RPS6KA2: variants seen among roughly 807,000 people sequenced by gnomAD.
RPS6KA2 encodes ribosomal protein S6 kinase alpha-2.
In RPS6KA2, 42 loss-of-function variants were observed where a neutral mutation model predicts 91.8. The ratio of observed to expected loss-of-function variants is 0.46; its 90% CI spans 0.36 to 0.59. The LOEUF is 0.59. RPS6KA2 is among the 20% of genes least tolerant of loss of function. RPS6KA2 has a pLI of 0.00. For synonymous variants in RPS6KA2, 414 were observed against 393.6 expected (o/e 1.05, Z -0.61); for missense variants, 798 against 978.5 (o/e 0.82, Z 2.46).
Position 166,713,277 on chromosome 6 carries a change from C to A in RPS6KA2, c.123+144923G>T, listed in dbSNP as rs1316701099. On this transcript the variant is annotated intron_variant, in intron 2 of 21. Transcript: ENST00000503859. ...CAGAAGACTGGCGCCAGGCCCATAGCCGGGTTTTCACACCGGAGGAGGTGG... is the reference window on the plus strand; with the variant it reads ...CAGAAGACTGGCGCCAGGCCCATAGACGGGTTTTCACACCGGAGGAGGTGG... Among the ~76,000 whole-genome samples the A allele has an allele frequency of 3.3e-5, 5 of 152,274 alleles. No individual in the cohort carries two copies. In the East Asian group the frequency reaches 9.6e-4, roughly 29 times the overall value.
At chr6:166,521,970 A>G (rs904195964) in intron 3 of RPS6KA2, among the ~76,000 whole-genome samples, 5 of 152,272 alleles carry the variant, frequency 3.3e-5, no homozygotes, top group African/African-American at 1.2e-4. Context: ...GACCCCAGAG[A>G]GCTCATTCAT....
At chr6:166,501,445 G>C (rs777919100) in intron 6 of RPS6KA2, among the ~76,000 whole-genome samples, 1 of 152,192 alleles carries the variant, frequency 6.6e-6, no homozygotes, top group African/African-American at 2.4e-5. Flanking sequence ...CCAAGGCATC[G>C]AGGAGCTTCG....
rs1016838641 is a variant in RPS6KA2 at position 166,494,266 on chromosome 6, G to A, written c.748-3525C>T. Among the ~76,000 whole-genome samples the A allele has an allele frequency of 6.6e-6, 1 of 152,122 alleles. No individual in the cohort carries two copies. Among genetic ancestry groups the A allele is most frequent in the Non-Finnish European group, 1.5e-5 (1 of 68,020 alleles). On this transcript the variant is annotated intron_variant, in intron 8 of 20. Transcript: ENST00000265678. This position sits in a 1 kb window ranked among gnomAD's most constrained non-coding sequence, Gnocchi z 5.1. Reference sequence around the variant, plus strand: ...CTCTAATCCGAGCTGCTCTCGCTCCGTGTGCTGCACCCCACTCCGAGTGCC... The same window carrying A: ...CTCTAATCCGAGCTGCTCTCGCTCCATGTGCTGCACCCCACTCCGAGTGCC...
rs75797782 is a variant in RPS6KA2, at chr6:166,693,660, C to T, written c.124-154876G>A. On this transcript the variant is annotated intron_variant, in intron 2 of 21. Transcript: ENST00000503859. ...CTGCACCATTAATATCCCCCTCCCC[C>T]GCAATTTAACATGATGTCGTTTGCA... 4.8e-3 allele frequency among the ~76,000 whole-genome samples: 724 copies of T among 152,282 alleles called. 5 individuals are homozygous for T. Among genetic ancestry groups the T allele is most frequent in the African/African-American group, 0.016 (679 of 41,546 alleles).
At chr6:166,616,886 G>A (rs1363687723) in intron 1 of RPS6KA2, among the ~76,000 whole-genome samples, 1 of 152,236 alleles carries the variant, frequency 6.6e-6, no homozygotes, top group Admixed American at 6.5e-5. Context: ...CTGACAACAG[G>A]TGCCTGACTC....
At chr6:166,750,169 C>A (rs979529657) in intron 2 of RPS6KA2, among the ~76,000 whole-genome samples, 1 of 152,218 alleles carries the variant, frequency 6.6e-6, no homozygotes, top group Admixed American at 6.5e-5. Flanking sequence ...GCGGTTCCAT[C>A]CGCCTAGGTT....
chr6:166,812,638 G>A (rs570831861), intron 2 of RPS6KA2, among the ~76,000 whole-genome samples: 30 of 152,244 alleles, frequency 2.0e-4, no homozygotes, highest in African/African-American at 6.0e-4. Context: ...TCAAGCTCCC[G>A]CTCTCGTGTG....
intron 2 of RPS6KA2, among the ~76,000 whole-genome samples, chr6:166,708,216 C>G (rs1789740654): frequency 6.6e-6 from 1 of 152,150 alleles, no homozygotes; most frequent in Admixed American, 6.5e-5. Flanking sequence ...TGTATTAATT[C>G]TGTTGGAAAC....
chr6:166,758,084 C>A (rs757950870), intron 2 of RPS6KA2, among the ~76,000 whole-genome samples: 14 of 152,240 alleles, frequency 9.2e-5, no homozygotes, highest in Non-Finnish European at 1.9e-4. Context: ...CACAGCCAGG[C>A]TGGCAACGTG....
At position 166,518,251 on chromosome 6, in the gene RPS6KA2, CAAAA is replaced by C. The variant is rs11373431; in HGVS notation, c.299-7898_299-7895del. Among the ~76,000 whole-genome samples the C allele has an allele frequency of 1.6e-4, 14 of 87,296 alleles. No homozygotes were observed. The East Asian group carries it at 3.3e-3, about 21-fold the overall frequency. 57.3% of individuals were successfully genotyped at this position (87,296 alleles called of 152,430 possible). A position where few individuals can be genotyped will look rare whatever the true frequency, so the allele number is the denominator to read the frequency against. On this transcript the variant is annotated intron_variant, in intron 3 of 20. Coordinates refer to ENST00000265678, the MANE Select transcript of RPS6KA2 (RefSeq NM_021135.6). ...GGGTGACAGGAGTAAAACACTGCCT[CAAAA>C]AAAAAAAAAAAAAAAAAGCAATAAC...
At chr6:166,581,327 A>G (rs1429279165) in intron 1 of RPS6KA2, among the ~76,000 whole-genome samples, 1 of 152,072 alleles carries the variant, frequency 6.6e-6, no homozygotes, top group Non-Finnish European at 1.5e-5. Flanking sequence ...CTATGCGGAG[A>G]ATGCCGACAG....
chr6:166,586,478 T>C lies in RPS6KA2; in HGVS notation c.99+40443A>G, dbSNP rs542151873. 1.3e-5 allele frequency: 21 copies of C among 1,597,248 alleles called. No homozygotes were observed. The South Asian group carries it at 2.1e-4, about 16-fold the overall frequency. On this transcript the variant is annotated intron_variant, in intron 1 of 20. Coordinates refer to ENST00000265678, the MANE Select transcript of RPS6KA2 (RefSeq NM_021135.6). ...GAACAGCTTCGGCAGTGTCAGTCAT[T>C]CTGAAAATCCCAAAGGTTTGAGGCA...
At chr6:166,758,739 G>C (rs1583086999) in intron 2 of RPS6KA2, among the ~76,000 whole-genome samples, 2 of 152,312 alleles carry the variant, frequency 1.3e-5, no homozygotes, top group Admixed American at 1.3e-4. Context: ...CACAGGACTT[G>C]AAAAGAAGGA....
chr6:166,606,480 T>C (rs559772528), intron 1 of RPS6KA2, among the ~76,000 whole-genome samples: 86 of 152,126 alleles, frequency 5.7e-4, no homozygotes, highest in African/African-American at 1.9e-3. Context: ...CTGCAAATTA[T>C]GGTGGAATAA....
chr6:166,781,565 C>A (rs986499116), intron 2 of RPS6KA2, among the ~76,000 whole-genome samples: 1 of 152,124 alleles, frequency 6.6e-6, no homozygotes, highest in African/African-American at 2.4e-5. Flanking sequence ...TGCATGCATG[C>A]ACCTAAGTTG....
rs185434304 is a variant in RPS6KA2, at chr6:166,750,028, G to A, written c.123+108172C>T. Among the ~76,000 whole-genome samples the A allele has an allele frequency of 2.2e-4, 33 of 152,192 alleles. No individual in the cohort carries two copies. In the East Asian group the frequency reaches 6.1e-3, roughly 28 times the overall value. Reference sequence around the variant, plus strand: ...GTCCCTTCTGAGTCCAGCCCGGCTTGAGTCAGCGGGGAGGGGCAGGGAGGA... The same window carrying A: ...GTCCCTTCTGAGTCCAGCCCGGCTTAAGTCAGCGGGGAGGGGCAGGGAGGA... On this transcript the variant is annotated intron_variant, in intron 2 of 21. Transcript: ENST00000503859.
At chr6:166,572,153 G>T (rs1212913023) in intron 1 of RPS6KA2, among the ~76,000 whole-genome samples, 1 of 152,132 alleles carries the variant, frequency 6.6e-6, no homozygotes, top group East Asian at 1.9e-4. Flanking sequence ...ATAAATTCAA[G>T]AAAGAACCAA....
intron 15 of RPS6KA2, among the ~76,000 whole-genome samples, 164 bp downstream of exon 15, chr6:166,432,237 A>T (rs1043583146): frequency 6.6e-6 from 1 of 152,172 alleles, no homozygotes; most frequent in Non-Finnish European, 1.5e-5. Context: ...AGACTTGAGT[A>T]CACAGTCCAG....
rs1788295641 is a variant in RPS6KA2, at chr6:166,665,691, C to T, written c.124-126907G>A. 6.6e-6 allele frequency among the ~76,000 whole-genome samples: 1 copy of T among 152,216 alleles called. No homozygotes were observed. Among genetic ancestry groups the T allele is most frequent in the East Asian group, 1.9e-4 (1 of 5,198 alleles). On this transcript the variant is annotated intron_variant, in intron 2 of 21. Coordinates refer to the RPS6KA2 transcript ENST00000503859. This position sits in a 1 kb window ranked among gnomAD's most constrained non-coding sequence, Gnocchi z 4.5. ...CTACTGAAGGTCTCCCAGCAAGCTG[C>T]AGGCGGCCCTGACCAAGCTTAGGTC...
Sources: allele counts gnomAD v4.1 joint callset (sites outside exome capture counted in the v4.1 genomes callset), GRCh38; gene constraint gnomAD v4.1.1; non-coding constraint Gnocchi (gnomAD v3.1); transcripts MANE v1.5; gene names NCBI Gene and HGNC (gene_info 2026-07-23, HGNC 2026-07-21).